TXNDC5: variants seen among roughly 807,000 people sequenced by gnomAD.
TXNDC5 encodes thioredoxin domain-containing protein 5.
TXNDC5 carries 44 observed loss-of-function variants against 52.6 expected under a neutral mutation model. The observed-to-expected ratio is 0.84, with a 90% CI of 0.66 to 1.08. The LOEUF (loss-of-function observed/expected upper bound fraction) is 1.08. Among genes scored for constraint, TXNDC5 ranks in the 50% least tolerant of loss-of-function variants. TXNDC5 has a pLI of 0.00. For missense variants in TXNDC5, 600 were observed against 565.5 expected (o/e 1.06, Z -0.62); for synonymous variants, 241 against 234.4 (o/e 1.03, Z -0.26).
chr6:7,898,068 T>G (rs1171998448), intron 3 of TXNDC5, among the ~76,000 whole-genome samples: 1 of 152,092 alleles, frequency 6.6e-6, no homozygotes, highest in Admixed American at 6.5e-5. Flanking sequence ...AGAGAGTTTT[T>G]TTTTTTTTTC....
intron 1 of TXNDC5, among the ~76,000 whole-genome samples, chr6:7,907,170 T>G (rs1760765030): frequency 6.6e-6 from 1 of 152,040 alleles, no homozygotes; most frequent in Non-Finnish European, 1.5e-5. Context: ...TTTCCCTTTT[T>G]TTTTTTTGAG....
chr6:7,883,038 T>A lies in TXNDC5; in HGVS notation c.*106A>T. ...AAGATACCTCACGCTTAGTATGTTC[T>A]GCTTTCTGAACAGCCACCACTGGGA... On this transcript the variant is annotated 3_prime_UTR_variant, in exon 10 of 10. Coordinates refer to ENST00000379757, the MANE Select transcript of TXNDC5 (RefSeq NM_030810.5). The A allele has an allele frequency of 6.6e-7, 1 of 1,509,898 alleles. No homozygotes were observed. Among genetic ancestry groups the A allele is most frequent in the East Asian group, 2.3e-5 (1 of 43,644 alleles). The allele number at this position is 1,509,898 out of a possible 1,614,324, so 93.5% of individuals were successfully genotyped here.
chr6:7,884,327 G>C (rs765240530), intron 9 of TXNDC5, 32 bp downstream of exon 9: 2 of 1,613,184 alleles, frequency 1.2e-6, no homozygotes, highest in South Asian at 2.2e-5. Flanking sequence ...CCCATACTGA[G>C]AGCTCCCATA....
At chr6:7,899,285 C>T (rs925967369) in intron 3 of TXNDC5, among the ~76,000 whole-genome samples, 7 of 152,164 alleles carry the variant, frequency 4.6e-5, no homozygotes, top group Non-Finnish European at 2.9e-5. Flanking sequence ...CCAAACAAGG[C>T]GCAGGGTGGT....
chr6:7,898,109 G>A, intron 3 of TXNDC5, among the ~76,000 whole-genome samples: 1 of 151,864 alleles, frequency 6.6e-6, no homozygotes, highest in South Asian at 2.1e-4. Context: ...TGCATAGGCT[G>A]GAGTGCAGTG....
chr6:7,886,128 A>G (rs1759972341), intron 7 of TXNDC5, 85 bp from the exon 8 acceptor site: 1 of 1,232,650 alleles, frequency 8.1e-7, no homozygotes, highest in Non-Finnish European at 1.2e-6. Context: ...TACACGAATC[A>G]GTAATTTTTT....
chr6:7,902,311 G>A (rs760516338), intron 2 of TXNDC5, among the ~76,000 whole-genome samples: 3 of 152,246 alleles, frequency 2.0e-5, no homozygotes, highest in East Asian at 1.9e-4. Flanking sequence ...AGTTCCCCCC[G>A]TCAGTCCTGC....
At position 7,910,770 on chromosome 6, in the gene TXNDC5, C is replaced by T. The variant is rs1760896044; in HGVS notation, c.7G>A (p.Ala3Thr). 2.0e-6 allele frequency: 2 copies of T among 992,474 alleles called. No individual in the cohort carries two copies. Among genetic ancestry groups the T allele is most frequent in the South Asian group, 4.5e-5 (1 of 22,284 alleles). The allele number at this position is 992,474 out of a possible 1,614,324, so 61.5% of individuals were successfully genotyped here. MPARPGRLLPLLA... is the reference protein window; with the variant it reads MPTRPGRLLPLLA... The stretch of plus-strand genomic sequence containing the variant: ...AGCGGGAGGAGGCGTCCTGGGCGCG[C>T]GGGCATCGCGGCGGGGCTGGGCGCG... The change falls in exon 1 of 10, where the codon GCG (alanine) becomes ACG (threonine). Residue 3 changes from alanine to threonine, a missense_variant. By Grantham distance (58) the Ala-to-Thr change is moderately conservative. Transcript: ENST00000379757.
At chr6:7,892,998 A>C (rs912475364) in intron 4 of TXNDC5, among the ~76,000 whole-genome samples, 7 of 152,264 alleles carry the variant, frequency 4.6e-5, no homozygotes, top group Non-Finnish European at 7.3e-5. Flanking sequence ...TGACCACGCT[A>C]TAAAAATTCA....
intron 2 of TXNDC5, among the ~76,000 whole-genome samples, chr6:7,901,497 C>T (rs560495767): frequency 1.3e-5 from 2 of 152,064 alleles, no homozygotes; most frequent in African/African-American, 4.8e-5. Context: ...TTAAAAAAAA[C>T]CATCTTCTTG....
Position 7,881,696 on chromosome 6 carries a change from C to CATACGT in TXNDC5, c.*1442_*1447dup, listed in dbSNP as rs1759747085. ...TTTAAAAAAAGAATTATCTGTGAACCATACGTGATTAATAAAGATTTCCTT... is the reference window on the plus strand; with the variant it reads ...TTTAAAAAAAGAATTATCTGTGAACCATACGTATACGTGATTAATAAAGATTTCCTT... On this transcript the variant is annotated 3_prime_UTR_variant, in exon 10 of 10. Coordinates refer to ENST00000379757, the MANE Select transcript of TXNDC5 (RefSeq NM_030810.5). The CATACGT allele has an allele frequency of 1.3e-5, 2 of 152,102 alleles. No individual in the cohort carries two copies. The highest frequency in any genetic ancestry group is 1.3e-4 in the Admixed American group (2 of 15,270). The allele number at this position is 152,102 out of a possible 1,614,324, so 9.4% of individuals were successfully genotyped here. A position where few individuals can be genotyped will look rare whatever the true frequency, so the allele number is the denominator to read the frequency against.
intron 2 of TXNDC5, among the ~76,000 whole-genome samples, chr6:7,903,509 T>A (rs958356801): frequency 1.3e-5 from 2 of 152,152 alleles, no homozygotes; most frequent in African/African-American, 4.8e-5. Context: ...TCACCTTACT[T>A]ACAGGTTAAG....
In TXNDC5 at chr6:7,889,580, A is replaced by G; in HGVS notation, c.734T>C (p.Val245Ala). ...GAGTTCATAGTGCTGTGTACAATCA[A>G]CCTGAGAATAAAAGCAGATCAACTT... is the stretch of plus-strand genomic sequence containing the variant. ...EHSETVKIGKVDCTQHYELCS... is the reference protein window; with the variant it reads ...EHSETVKIGKADCTQHYELCS... The change falls in exon 6 of 10, where the codon GTT (valine) becomes GCT (alanine). Residue 245 changes from valine to alanine, a missense_variant and splice_region_variant. Physicochemically the swap from Val to Ala is moderately conservative, Grantham distance 64 (BLOSUM62 0). Coordinates refer to ENST00000379757, the MANE Select transcript of TXNDC5 (RefSeq NM_030810.5). 6.2e-7 allele frequency: 1 copy of G among 1,606,516 alleles called. No homozygotes were observed.
intron 4 of TXNDC5, 36 bp downstream of exon 4, chr6:7,895,070 G>GA: frequency 6.2e-7 from 1 of 1,604,378 alleles, no homozygotes; most frequent in Non-Finnish European, 8.5e-7. Flanking sequence ...GAATAATAGT[G>GA]ATTCTCTGAA....
intron 4 of TXNDC5, among the ~76,000 whole-genome samples, chr6:7,892,491 G>A (rs1193935401): frequency 6.6e-6 from 1 of 152,230 alleles, no homozygotes; most frequent in Admixed American, 6.5e-5. Flanking sequence ...GCTCAGGAAT[G>A]TGCACTTCAG....
Position 7,899,585 on chromosome 6 carries a change from C to G in TXNDC5, c.510G>C (p.Glu170Asp). Residue 170 changes from glutamate to aspartate, a missense_variant, in exon 3 of 10, where the codon GAG becomes GAC. Glu to Asp is a conservative substitution (Grantham distance 45). Coordinates refer to ENST00000379757, the MANE Select transcript of TXNDC5 (RefSeq NM_030810.5). ...GGAGGTAGACACTCACCACTGGCTCCTCGTTCAGTGTCTGCAGCATCCAGT... is the reference window on the plus strand; with the variant it reads ...GGAGGTAGACACTCACCACTGGCTCGTCGTTCAGTGTCTGCAGCATCCAGT... The part of the protein sequence containing the change: ...LENWMLQTLN[E>D]EPVTPEPEVE... 1 of 1,613,512 alleles carries G rather than the reference C, an allele frequency of 6.2e-7. No homozygotes were observed. The highest frequency in any genetic ancestry group is 8.5e-7 in the Non-Finnish European group (1 of 1,179,704).
At chr6:7,888,227 C>T (rs539411749) in intron 7 of TXNDC5, among the ~76,000 whole-genome samples, 4 of 152,314 alleles carry the variant, frequency 2.6e-5, no homozygotes, top group Admixed American at 6.5e-5. Flanking sequence ...AGGCAGGTTA[C>T]AGCTACAGTC....
chr6:7,903,402 A>G (rs1326637846), intron 2 of TXNDC5, among the ~76,000 whole-genome samples: 1 of 152,210 alleles, frequency 6.6e-6, no homozygotes, highest in African/African-American at 2.4e-5. Context: ...AAACGCCCAC[A>G]TTTCCAAATG....
At chr6:7,903,572 C>T (rs951867677) in intron 2 of TXNDC5, among the ~76,000 whole-genome samples, 3 of 152,326 alleles carry the variant, frequency 2.0e-5, no homozygotes, top group Non-Finnish European at 2.9e-5. Context: ...GATTTGACTA[C>T]GACTTCTAGG....
Sources: gnomAD v4.1 joint callset for allele counts (sites outside exome capture counted in the v4.1 genomes callset) on GRCh38, gnomAD v4.1.1 for gene constraint, MANE v1.5 for transcripts, NCBI Gene and HGNC (gene_info 2026-07-23, HGNC 2026-07-21) for gene names.